Variants in PTPN2 observed in about 807,000 individuals in gnomAD.
The protein encoded by PTPN2 is protein tyrosine phosphatase non-receptor type 2.
PTPN2 carries 19 observed loss-of-function variants against 57.3 expected under a neutral mutation model. That is an observed-to-expected ratio of 0.33 (90% CI 0.23 to 0.49). The LOEUF is 0.49. PTPN2 is among the 20% of genes least tolerant of loss of function. PTPN2 has a pLI of 0.99. For synonymous variants in PTPN2, 153 were observed against 164.9 expected, an observed-to-expected ratio of 0.93 and a Z score of 0.55; for missense variants, 358 against 501.1, an observed-to-expected ratio of 0.71 and a Z score of 2.73.
At chr18:12,804,175 C>T (rs2041534855) in intron 7 of PTPN2, among the ~76,000 whole-genome samples, 1 of 150,174 alleles carries the variant, frequency 6.7e-6, no homozygotes, top group South Asian at 2.1e-4. Flanking sequence ...ACCTGTAATT[C>T]CAAGTATTTG....
rs752350784 is a variant in PTPN2 at position 12,884,178 on chromosome 18, C to G, written c.-37G>C. 2 of 1,543,210 alleles carry G rather than the reference C, an allele frequency of 1.3e-6. No individual in the cohort carries two copies. Among genetic ancestry groups the G allele is most frequent in the Non-Finnish European group, 1.7e-6 (2 of 1,143,372 alleles). On this transcript the variant is annotated 5_prime_UTR_variant, in exon 1 of 9. Coordinates refer to ENST00000309660, the MANE Select transcript of PTPN2 (RefSeq NM_002828.4). Reference sequence around the variant, plus strand: ...CGAGCTGGCGCGAGCAGAGCCTGCGCCGGCGGAGAGGCTCAGGCCCCGCAC... The same window carrying G: ...CGAGCTGGCGCGAGCAGAGCCTGCGGCGGCGGAGAGGCTCAGGCCCCGCAC...
intron 1 of PTPN2, among the ~76,000 whole-genome samples, chr18:12,874,667 C>T (rs1232972134): frequency 1.3e-5 from 2 of 150,112 alleles, no homozygotes; most frequent in African/African-American, 2.5e-5. Context: ...CCAGCCGCCC[C>T]GTCCGGGAGG....
chr18:12,850,842 C>G (rs2043369229), intron 2 of PTPN2, among the ~76,000 whole-genome samples: 1 of 152,024 alleles, frequency 6.6e-6, no homozygotes, highest in African/African-American at 2.4e-5. Context: ...CGGATTCAAG[C>G]AATTCTCCTG....
At chr18:12,807,963 C>T (rs1254088372) in intron 7 of PTPN2, among the ~76,000 whole-genome samples, 2 of 152,012 alleles carry the variant, frequency 1.3e-5, no homozygotes, top group Admixed American at 1.3e-4. Flanking sequence ...GCGGGCAGAT[C>T]GCTTGAGCCC....
At chr18:12,794,731 C>T (rs1230598257) in intron 8 of PTPN2, among the ~76,000 whole-genome samples, 2 of 152,132 alleles carry the variant, frequency 1.3e-5, no homozygotes, top group African/African-American at 2.4e-5. Flanking sequence ...AAGTGATTCT[C>T]GTGCCTCAGC....
chr18:12,836,823 C>T lies in PTPN2; in HGVS notation c.229G>A (p.Glu77Lys). 2 of 1,609,732 alleles carry T rather than the reference C, an allele frequency of 1.2e-6. No individual in the cohort carries two copies. Among genetic ancestry groups the T allele is most frequent in the South Asian group, 1.1e-5 (1 of 90,856 alleles). Residue 77 changes from glutamate (E) to lysine (K), a missense_variant, in exon 3 of 9, where the codon GAA becomes AAA. This residue lies in a region of PTPN2 where 193 missense variants were observed against 315.4 expected (regional missense o/e 0.61). Transcript: ENST00000309660. ...AAGATGTAACTCCTTTGTGCCTCTTCTATGTCAACTAAACTGGCATTAATA... is the reference window on the plus strand; with the variant it reads ...AAGATGTAACTCCTTTGTGCCTCTTTTATGTCAACTAAACTGGCATTAATA... ...DYINASLVDI[E>K]EAQRSYILTQ... is the part of the protein sequence containing the mutation.
At position 12,794,368 on chromosome 18, in the gene PTPN2, T is replaced by G; in HGVS notation, c.1158A>C (p.Gln386His). ...TAAACCCCATCTTAGTGAGAATAGG[T>G]TGCCAATATAACCACCTTTTTCTTT... ...ERKRKRWLYW[Q>H]PILTKMGFMS... is the part of the protein sequence containing the mutation. The change falls in exon 9 of 9, where the codon CAA (glutamine) becomes CAC (histidine). Residue 386 changes from glutamine (Q) to histidine (H), a missense_variant. Physicochemically the swap from Gln to His is conservative, Grantham distance 24. Coordinates refer to ENST00000309660, the MANE Select transcript of PTPN2 (RefSeq NM_002828.4). The G allele has an allele frequency of 6.2e-7, 1 of 1,614,226 alleles. No individual in the cohort carries two copies. Among genetic ancestry groups the G allele is most frequent in the Non-Finnish European group, 8.5e-7 (1 of 1,180,024 alleles).
At chr18:12,860,191 A>T (rs986685581) in intron 1 of PTPN2, among the ~76,000 whole-genome samples, 68 of 152,102 alleles carry the variant, frequency 4.5e-4, no homozygotes, top group African/African-American at 1.6e-3. Flanking sequence ...CGGGAGGCTG[A>T]GGCAGAAGAA....
At chr18:12,795,789 C>T (rs2145224891) in intron 8 of PTPN2, among the ~76,000 whole-genome samples, 1 of 152,268 alleles carries the variant, frequency 6.6e-6, no homozygotes, top group African/African-American at 2.4e-5. Flanking sequence ...CCAATGGCAA[C>T]ATATAGGTTA....
intron 4 of PTPN2, among the ~76,000 whole-genome samples, chr18:12,827,199 C>T (rs933142581): frequency 4.0e-5 from 6 of 151,746 alleles, no homozygotes; most frequent in Non-Finnish European, 7.4e-5. Context: ...ACAAATTAGC[C>T]GGGTGTGGTG....
At chr18:12,827,519 G>T (rs895564289) in intron 4 of PTPN2, among the ~76,000 whole-genome samples, 1 of 151,534 alleles carries the variant, frequency 6.6e-6, no homozygotes, top group Admixed American at 6.6e-5. Flanking sequence ...ACCCCAGCTG[G>T]GACTCCAGGT....
rs140376633 is a variant in PTPN2, at chr18:12,828,167, G to A, written c.361-2223C>T. Among the ~76,000 whole-genome samples, 283 of 152,202 alleles carry A rather than the reference G, an allele frequency of 1.9e-3. 1 individual carries two copies. Among genetic ancestry groups the A allele is most frequent in the African/African-American group, 6.5e-3 (268 of 41,542 alleles). On this transcript the variant is annotated intron_variant, in intron 4 of 8. Coordinates refer to ENST00000309660, the MANE Select transcript of PTPN2 (RefSeq NM_002828.4). ...ACATGAGCCAAGGATTTTATATCCC[G>A]CCAAACTGACTTTCAGATATTAAGA...
At chr18:12,854,411 A>G (rs1475276839) in intron 2 of PTPN2, among the ~76,000 whole-genome samples, 1 of 152,072 alleles carries the variant, frequency 6.6e-6, no homozygotes, top group East Asian at 1.9e-4. Flanking sequence ...CATCATGGAA[A>G]TGGAAATTAG....
rs2041083089 is a variant in PTPN2, at chr18:12,794,329, CA to C, written c.1196del (p.Leu399TrpfsTer29). ...LTKMGFMSVILVGAFVGWTLF... is the reference protein window; with the variant it reads ...LTKMGFMSVIXVGAFVGWTLF... ...GTGTCCAGCCAACAAAAGCGCCAAC[CA>C]AAATGACTGACATAAACCCCATCTT... On this transcript the variant is annotated frameshift_variant, in exon 9 of 9. Transcript: ENST00000309660. LOFTEE classifies it high-confidence loss of function. 2 of 1,614,040 alleles carry C rather than the reference CA, an allele frequency of 1.2e-6. No homozygotes were observed. Among genetic ancestry groups the C allele is most frequent in the South Asian group, 2.2e-5 (2 of 91,086 alleles).
At chr18:12,826,751 T>C (rs1171345924) in intron 4 of PTPN2, among the ~76,000 whole-genome samples, 1 of 151,980 alleles carries the variant, frequency 6.6e-6, no homozygotes, top group Non-Finnish European at 1.5e-5. Context: ...GTATTTTTAG[T>C]AGAGACAGGG....
intron 1 of PTPN2, among the ~76,000 whole-genome samples, chr18:12,883,125 G>C (rs1351503490): frequency 1.3e-5 from 2 of 152,172 alleles, no homozygotes; most frequent in African/African-American, 4.8e-5. Context: ...CCCCCGGGGA[G>C]GGGATGAGGG....
At chr18:12,820,526 G>A (rs572140219) in intron 5 of PTPN2, among the ~76,000 whole-genome samples, 3 of 152,070 alleles carry the variant, frequency 2.0e-5, no homozygotes, top group Non-Finnish European at 4.4e-5. Context: ...GAGCTAAAAC[G>A]AAATTCATCT....
intron 8 of PTPN2, among the ~76,000 whole-genome samples, chr18:12,798,016 C>CTT (rs1295612138): frequency 1.3e-5 from 2 of 152,174 alleles, no homozygotes; most frequent in Non-Finnish European, 2.9e-5. Context: ...ATGAGCCACT[C>CTT]TGCCTGCTCC....
At chr18:12,868,084 TTC>T (rs1388067228) in intron 1 of PTPN2, among the ~76,000 whole-genome samples, 1 of 152,214 alleles carries the variant, frequency 6.6e-6, no homozygotes, top group Non-Finnish European at 1.5e-5. Flanking sequence ...GGAAAGACCC[TTC>T]TCTAGTGTGA....
Sources: gnomAD v4.1 joint callset for allele counts (sites outside exome capture counted in the v4.1 genomes callset) on GRCh38, gnomAD v4.1.1 for gene constraint, gnomAD v4.1.1 regional missense constraint, MANE v1.5 for transcripts, NCBI Gene and HGNC (gene_info 2026-07-23, HGNC 2026-07-21) for gene names.